Variants in SAMSN1 observed in about 807,000 individuals in gnomAD.
SAMSN1 encodes SAM domain, SH3 domain and nuclear localization signals 1.
A neutral mutation model predicts 42.0 loss-of-function variants in SAMSN1; 31 were observed. That is an observed-to-expected ratio of 0.74 (90% CI 0.55 to 1.00). SAMSN1 has a LOEUF of 1.00. Among genes scored for constraint, SAMSN1 ranks in the 50% least tolerant of loss-of-function variants. SAMSN1 has a pLI of 0.00. For synonymous variants in SAMSN1, 178 were observed against 151.9 expected, an observed-to-expected ratio of 1.17 and a Z score of -1.26; for missense variants, 464 against 439.4, an observed-to-expected ratio of 1.06 and a Z score of -0.50.
Position 14,543,203 on chromosome 21 carries a change from T to C in SAMSN1, c.57+3002A>G, listed in dbSNP as rs367902217. Among the ~76,000 whole-genome samples, 4 of 152,288 alleles carry C rather than the reference T, an allele frequency of 2.6e-5. No individual in the cohort carries two copies. In the East Asian group the frequency reaches 5.8e-4, roughly 22 times the overall value. On this transcript the variant is annotated intron_variant, in intron 1 of 7. Coordinates refer to ENST00000400566, the MANE Select transcript of SAMSN1 (RefSeq NM_022136.5). ...TGCAAGAATTTACCAGTTTCTGTTA[T>C]AGAATATCTCTGGTCTCTGCCTCTC... is the stretch of plus-strand genomic sequence containing the variant.
At chr21:14,534,726 T>C (rs1216498383) in intron 1 of SAMSN1, among the ~76,000 whole-genome samples, 7 of 152,144 alleles carry the variant, frequency 4.6e-5, no homozygotes. Context: ...ATACATATGG[T>C]AATTTTCTTA....
At chr21:14,558,688 AC>A (rs1980842408) in intron 2 of SAMSN1, among the ~76,000 whole-genome samples, 1 of 151,524 alleles carries the variant, frequency 6.6e-6, no homozygotes, top group Non-Finnish European at 1.5e-5. Flanking sequence ...CTCAATTAAA[AC>A]AAAAACAAAA....
chr21:14,625,065 C>A (rs1258773420), intron 2 of SAMSN1, among the ~76,000 whole-genome samples: 1 of 152,024 alleles, frequency 6.6e-6, no homozygotes, highest in South Asian at 2.1e-4. Context: ...AGGCCTTTGA[C>A]AAGATTCAAC....
intron 4 of SAMSN1, among the ~76,000 whole-genome samples, chr21:14,511,268 A>G (rs1354971756): frequency 6.6e-6 from 1 of 152,236 alleles, no homozygotes; most frequent in East Asian, 1.9e-4. Context: ...AGTTGCATCT[A>G]ATCACATAAA....
intron 1 of SAMSN1, among the ~76,000 whole-genome samples, chr21:14,543,770 A>T (rs894963978): frequency 2.6e-5 from 4 of 151,254 alleles, no homozygotes; most frequent in Non-Finnish European, 5.9e-5. Context: ...TTTACAATTT[A>T]AAAAAAAACC....
intron 2 of SAMSN1, among the ~76,000 whole-genome samples, chr21:14,628,559 A>C (rs567193895): frequency 6.6e-6 from 1 of 152,330 alleles, no homozygotes; most frequent in South Asian, 2.1e-4. Flanking sequence ...GAGAAGATTT[A>C]TGTGACTGGT....
chr21:14,583,477 G>A (rs1981821833), upstream of SAMSN1: 1 of 556,516 alleles, frequency 1.8e-6, no homozygotes. Context: ...CATAAATACG[G>A]GGTAAAATTC....
chr21:14,659,064 G>T (rs755898409), upstream of SAMSN1, among the ~76,000 whole-genome samples: 1 of 152,048 alleles, frequency 6.6e-6, no homozygotes, highest in South Asian at 2.1e-4. Flanking sequence ...AAAACCTGCA[G>T]TGAAAATGCA....
At chr21:14,614,833 T>A (rs577337768) in intron 3 of SAMSN1, among the ~76,000 whole-genome samples, 3,947 of 152,138 alleles carry the variant, frequency 0.026, 96 homozygotes, top group South Asian at 0.08. Flanking sequence ...AAAAAAGAAA[T>A]TAAGGAACTC....
chr21:14,519,331 A>G (rs1346489943), intron 2 of SAMSN1, among the ~76,000 whole-genome samples: 1 of 152,182 alleles, frequency 6.6e-6, no homozygotes, highest in Non-Finnish European at 1.5e-5. Flanking sequence ...CTAGGCCACC[A>G]TTATTAACCA....
chr21:14,510,022 C>T (rs1417456038), intron 5 of SAMSN1, among the ~76,000 whole-genome samples: 1 of 151,950 alleles, frequency 6.6e-6, no homozygotes, highest in African/African-American at 2.4e-5. Flanking sequence ...GCCTGTAGTC[C>T]CAGCTACTCG....
At chr21:14,613,841 TTATATA>T (rs1190696286) in intron 3 of SAMSN1, among the ~76,000 whole-genome samples, 1 of 151,916 alleles carries the variant, frequency 6.6e-6, no homozygotes, top group East Asian at 1.9e-4. Flanking sequence ...TTTTCATACT[TTATATA>T]TATTTGAATC....
At chr21:14,645,931 G>A (rs1377139409) in intron 1 of SAMSN1, among the ~76,000 whole-genome samples, 4 of 152,104 alleles carry the variant, frequency 2.6e-5, no homozygotes, top group Non-Finnish European at 4.4e-5. Flanking sequence ...GAATTAGTGA[G>A]CCTAAAGACA....
At chr21:14,579,091 G>A (rs2123237709) in intron 2 of SAMSN1, among the ~76,000 whole-genome samples, 1 of 152,244 alleles carries the variant, frequency 6.6e-6, no homozygotes, top group Admixed American at 6.5e-5. Context: ...TAGAATATAT[G>A]TGTAGAATAC....
At position 14,486,000 on chromosome 21, in the gene SAMSN1, C is replaced by T. The variant is rs144162434; in HGVS notation, c.1034G>A (p.Gly345Glu). 634 of 1,613,636 alleles carry T rather than the reference C, an allele frequency of 3.9e-4. 3 individuals carry two copies. The African/African-American group carries it at 7.6e-3, about 19-fold the overall frequency. Residue 345 changes from glycine to glutamate, a missense_variant, in exon 8 of 8, where the codon GGA becomes GAA. By Grantham distance (98) the Gly-to-Glu change is moderately conservative. Coordinates refer to ENST00000400566, the MANE Select transcript of SAMSN1 (RefSeq NM_022136.5). ...ATCCTCTTTGCCATTATCTGAATTT[C>T]CTGATGAGATATAGCAACCAGAGTC... ...PRDSGCYISS[G>E]NSDNGKEDLE...
At chr21:14,507,432 C>T (rs1445721940) in intron 5 of SAMSN1, among the ~76,000 whole-genome samples, 1 of 152,120 alleles carries the variant, frequency 6.6e-6, no homozygotes, top group African/African-American at 2.4e-5. Context: ...AGAACTCAAC[C>T]CCTTTTACAA....
chr21:14,598,651 T>G (rs1018445564), intron 6 of SAMSN1, among the ~76,000 whole-genome samples: 5 of 152,170 alleles, frequency 3.3e-5, no homozygotes, highest in African/African-American at 1.2e-4. Flanking sequence ...CCTGATTCTG[T>G]GTAACTTCTT....
At chr21:14,543,823 T>G (rs1468263874) in intron 1 of SAMSN1, among the ~76,000 whole-genome samples, 2 of 152,136 alleles carry the variant, frequency 1.3e-5, no homozygotes, top group African/African-American at 4.8e-5. Context: ...AAGAGTATAG[T>G]ATGAAGAGTT....
At chr21:14,598,882 T>C (rs1982349209) in intron 6 of SAMSN1, among the ~76,000 whole-genome samples, 1 of 152,180 alleles carries the variant, frequency 6.6e-6, no homozygotes, top group African/African-American at 2.4e-5. Context: ...AGGAAAATAT[T>C]TGCACTAGGA....
Sources: gnomAD v4.1 joint callset for allele counts (sites outside exome capture counted in the v4.1 genomes callset) on GRCh38, gnomAD v4.1.1 for gene constraint, MANE v1.5 for transcripts, NCBI Gene and HGNC (gene_info 2026-07-23, HGNC 2026-07-21) for gene names.